The following BBX variants were observed in gnomAD, a reference collection of about 807,000 sequenced individuals.
BBX encodes HMG box transcription factor BBX.
Under a neutral mutation model 100.2 loss-of-function variants are expected in BBX, and 30 were observed. That is an observed-to-expected ratio of 0.30 (90% confidence interval 0.22 to 0.41). The LOEUF (loss-of-function observed/expected upper bound fraction) is 0.41, where lower values mean the gene tolerates loss of function less well. BBX is among the 10% of genes least tolerant of loss of function. The pLI, the probability that BBX is intolerant of heterozygous loss-of-function variation, is 1.00. For synonymous variants in BBX, 376 were observed against 388.1 expected (o/e 0.97, Z 0.37); for missense variants, 1,023 against 1,129.8 (o/e 0.91, Z 1.35).
chr3:107,795,613 CTTTTTTTTTTT>C (rs1158136233), intron 15 of BBX, among the ~76,000 whole-genome samples: 5 of 60,004 alleles, frequency 8.3e-5, no homozygotes, highest in African/African-American at 1.5e-4. Flanking sequence ...CCGACGTAGT[CTTTTTTTTTTT>C]TTTTTTTTTT....
At chr3:107,757,145 C>A (rs955765874) in intron 10 of BBX, among the ~76,000 whole-genome samples, 1 of 151,834 alleles carries the variant, frequency 6.6e-6, no homozygotes, top group African/African-American at 2.4e-5. Flanking sequence ...AAATATTAAA[C>A]AATACTAAAA....
At chr3:107,582,338 A>G (rs1160116879) in intron 2 of BBX, among the ~76,000 whole-genome samples, 1 of 150,914 alleles carries the variant, frequency 6.6e-6, no homozygotes, top group Non-Finnish European at 1.5e-5. Flanking sequence ...TTGGAGTTTT[A>G]TCTCAGTATC....
At chr3:107,711,749 A>G (rs940304362) in intron 4 of BBX, among the ~76,000 whole-genome samples, 1 of 151,948 alleles carries the variant, frequency 6.6e-6, no homozygotes, top group African/African-American at 2.4e-5. Flanking sequence ...ACTTAATTTC[A>G]TTTTTTAAAC....
At chr3:107,743,122 C>T (rs1221642979) in intron 7 of BBX, among the ~76,000 whole-genome samples, 4 of 152,048 alleles carry the variant, frequency 2.6e-5, no homozygotes, top group Non-Finnish European at 5.9e-5. Context: ...GTCTTATGCA[C>T]ACCTGTTTTA....
At chr3:107,611,266 C>T (rs1368485459) in intron 2 of BBX, among the ~76,000 whole-genome samples, 1 of 152,038 alleles carries the variant, frequency 6.6e-6, no homozygotes, top group Non-Finnish European at 1.5e-5. Flanking sequence ...AGATCAGTGT[C>T]TTTATGCACC....
chr3:107,779,044 T>C (rs1179956158), intron 13 of BBX, among the ~76,000 whole-genome samples: 2 of 116,424 alleles, frequency 1.7e-5, no homozygotes, highest in Non-Finnish European at 3.9e-5. Context: ...CACATATACA[T>C]TGGTTTTGTT....
At chr3:107,662,502 G>A (rs1174549543) in intron 3 of BBX, 2 of 151,994 alleles carry the variant, frequency 1.3e-5, no homozygotes, top group African/African-American at 2.4e-5. Context: ...GAATTTTTAG[G>A]GTTTAAGTGT....
At chr3:107,704,317 T>G (rs925942554) in intron 3 of BBX, among the ~76,000 whole-genome samples, 1 of 152,200 alleles carries the variant, frequency 6.6e-6, no homozygotes. Flanking sequence ...AAATACCCTT[T>G]CCAGAAACTA....
intron 10 of BBX, among the ~76,000 whole-genome samples, chr3:107,771,745 G>A (rs2066924750): frequency 6.6e-6 from 1 of 152,154 alleles, no homozygotes; most frequent in African/African-American, 2.4e-5. Context: ...TTGTCTATCA[G>A]CATTTGTGGA....
intron 17 of BBX, among the ~76,000 whole-genome samples, chr3:107,803,346 G>A (rs959824525): frequency 6.6e-6 from 1 of 152,048 alleles, no homozygotes; most frequent in Non-Finnish European, 1.5e-5. Context: ...GCCCCTACCT[G>A]TTAAAGCAGA....
At chr3:107,537,899 AG>A (rs752975402) in intron 2 of BBX, among the ~76,000 whole-genome samples, 4 of 152,268 alleles carry the variant, frequency 2.6e-5, no homozygotes, top group Non-Finnish European at 5.9e-5. Context: ...ATCATAAAGA[AG>A]AAGCTGACCT....
intron 2 of BBX, among the ~76,000 whole-genome samples, chr3:107,539,358 A>G (rs768015578): frequency 6.6e-6 from 1 of 152,174 alleles, no homozygotes; most frequent in Admixed American, 6.5e-5. Context: ...CATAATATCC[A>G]TGTGTTGCAG....
intron 15 of BBX, among the ~76,000 whole-genome samples, chr3:107,791,550 G>A (rs1028905404): frequency 6.6e-6 from 1 of 152,304 alleles, no homozygotes; most frequent in South Asian, 2.1e-4. Context: ...GCATTAATCA[G>A]AGATTGGAGT....
intron 12 of BBX, 124 bp downstream of exon 12, chr3:107,774,981 A>G (rs2067210403): frequency 5.3e-6 from 6 of 1,139,524 alleles, no homozygotes; most frequent in Non-Finnish European, 7.2e-6. Context: ...GACTTCCTAC[A>G]ATCTTAGTAG....
At chr3:107,774,451 A>C in intron 11 of BBX, among the ~76,000 whole-genome samples, 1 of 152,154 alleles carries the variant, frequency 6.6e-6, no homozygotes, top group East Asian at 1.9e-4. Context: ...TGAATGGAAA[A>C]GCTAGCAGCA....
intron 17 of BBX, 128 bp from the exon 18 acceptor site, chr3:107,805,242 A>T: frequency 9.2e-7 from 1 of 1,087,400 alleles, no homozygotes. Context: ...AACAGTTTTC[A>T]TTAAATGATG....
intron 3 of BBX, among the ~76,000 whole-genome samples, chr3:107,655,220 GT>G (rs1258522338): frequency 6.6e-6 from 1 of 151,934 alleles, no homozygotes; most frequent in African/African-American, 2.4e-5. Context: ...TATTTTAATT[GT>G]ACCTCCCCCA....
At chr3:107,728,301 C>G (rs144895097) in intron 5 of BBX, among the ~76,000 whole-genome samples, 11 of 152,280 alleles carry the variant, frequency 7.2e-5, no homozygotes, top group African/African-American at 2.4e-4. Flanking sequence ...CTATGCACCA[C>G]TGCTTCCAAT....
At chr3:107,562,154 A>G (rs944261910) in intron 2 of BBX, among the ~76,000 whole-genome samples, 1 of 150,622 alleles carries the variant, frequency 6.6e-6, no homozygotes, top group Non-Finnish European at 1.5e-5. Flanking sequence ...GGATTCTCAC[A>G]CGTTGAAATA....
Sources: gnomAD v4.1 joint callset for allele counts (sites outside exome capture counted in the v4.1 genomes callset) on GRCh38, gnomAD v4.1.1 for gene constraint, MANE v1.5 for transcripts, NCBI Gene and HGNC (gene_info 2026-07-23, HGNC 2026-07-21) for gene names.